INSC: variants seen among roughly 807,000 people sequenced by gnomAD.
INSC encodes protein inscuteable homolog.
In INSC, 67 loss-of-function variants were observed where a neutral mutation model predicts 58.6. The observed-to-expected ratio is 1.14, with a 90% confidence interval of 0.94 to 1.40. The LOEUF (loss-of-function observed/expected upper bound fraction) is 1.40, where lower values mean the gene tolerates loss of function less well. Among genes scored for constraint, INSC ranks in the 40% most tolerant of loss-of-function variants. The pLI, the probability that INSC is intolerant of heterozygous loss-of-function variation, is 0.00. For missense variants in INSC, 714 were observed against 692.0 expected, an observed-to-expected ratio of 1.03 and a Z score of -0.36; for synonymous variants, 262 against 276.1, an observed-to-expected ratio of 0.95 and a Z score of 0.51.
chr11:15,221,930 C>A (rs1851458178), intron 8 of INSC, among the ~76,000 whole-genome samples: 1 of 152,106 alleles, frequency 6.6e-6, no homozygotes, highest in Admixed American at 6.6e-5. Context: ...GAGTCCAGGA[C>A]AAGCCCCAGA....
rs1488026050 is a variant in INSC at position 15,182,465 on chromosome 11, T to C, written c.579+4018T>C. On this transcript the variant is annotated intron_variant, in intron 5 of 12. Coordinates refer to ENST00000379556, the MANE Select transcript of INSC (RefSeq NM_001042536.3). ...TAATTGTGGTACTATGTTTACCATATATGGGGAAAAAAATGCCTCCTTTCT... is the reference window on the plus strand; with the variant it reads ...TAATTGTGGTACTATGTTTACCATACATGGGGAAAAAAATGCCTCCTTTCT... Among the ~76,000 whole-genome samples the C allele has an allele frequency of 2.0e-5, 3 of 152,188 alleles. No homozygotes were observed. In the East Asian group the frequency reaches 5.8e-4, roughly 29 times the overall value.
chr11:15,225,103 T>A (rs1028721321), intron 8 of INSC, among the ~76,000 whole-genome samples: 2 of 152,174 alleles, frequency 1.3e-5, no homozygotes, highest in Admixed American at 6.5e-5. Flanking sequence ...TTTCCTTTGG[T>A]CTAGAATATT....
At chr11:15,269,603 G>T in the INSC span, among the ~76,000 whole-genome samples, 1 of 151,858 alleles carries the variant, frequency 6.6e-6, no homozygotes, top group Non-Finnish European at 1.5e-5. Flanking sequence ...GGAGGAACAT[G>T]TGTAAAGAAG....
Position 15,176,031 on chromosome 11 carries a change from C to T in INSC, c.347C>T (p.Ser116Phe). Residue 116 changes from serine (S) to phenylalanine (F), a missense_variant, in exon 3 of 13, where the codon TCC becomes TTC. Coordinates refer to ENST00000379556, the MANE Select transcript of INSC (RefSeq NM_001042536.3). ...MSVRLTCHAR[S>F]MVSEYSAVSR... ...GTGCGTCTGACCTGCCATGCCCGCT[C>T]CATGGTCAGCGAGTACAGTGCTGTC... The T allele has an allele frequency of 6.3e-7, 1 of 1,577,384 alleles. No individual in the cohort carries two copies. Among genetic ancestry groups the T allele is most frequent in the South Asian group, 1.1e-5 (1 of 87,220 alleles).
chr11:15,243,316 G>A (rs1267357753), intron 12 of INSC, among the ~76,000 whole-genome samples: 1 of 152,202 alleles, frequency 6.6e-6, no homozygotes, highest in Non-Finnish European at 1.5e-5. Context: ...CCTTCAGGTA[G>A]AGGGAGGAAG....
intron 7 of INSC, among the ~76,000 whole-genome samples, chr11:15,202,647 C>T (rs191528767): frequency 9.2e-5 from 14 of 152,310 alleles, no homozygotes; most frequent in Admixed American, 9.1e-4. Context: ...CTCACCTTTC[C>T]TGTCTGGTTG....
chr11:15,253,880 G>C, the INSC span, among the ~76,000 whole-genome samples: 103 of 152,202 alleles, frequency 6.8e-4, 1 homozygote, highest in African/African-American at 2.4e-3. Context: ...TGTAGACTGG[G>C]AACTTGGCCA....
intron 7 of INSC, among the ~76,000 whole-genome samples, chr11:15,209,793 A>G (rs908117520): frequency 3.3e-5 from 5 of 151,814 alleles, no homozygotes; most frequent in Admixed American, 2.6e-4. Flanking sequence ...CCCGAGATCA[A>G]CCACAGGGCT....
chr11:15,184,083 G>T (rs2679638), intron 5 of INSC, among the ~76,000 whole-genome samples: 111,181 of 151,988 alleles, frequency 0.73, 41,428 homozygotes, highest in East Asian at 0.99. Flanking sequence ...CTTATTTAAT[G>T]ATTCCCTAAA....
intron 5 of INSC, among the ~76,000 whole-genome samples, chr11:15,186,343 C>T (rs1231311217): frequency 2.0e-5 from 3 of 151,882 alleles, no homozygotes; most frequent in African/African-American, 4.8e-5. Context: ...GAATTTCTAA[C>T]GATTTACTCT....
chr11:15,261,847 A>C, the INSC span, among the ~76,000 whole-genome samples: 1 of 152,178 alleles, frequency 6.6e-6, no homozygotes, highest in Non-Finnish European at 1.5e-5. Flanking sequence ...GATCTAATCC[A>C]CTTGTATACT....
Position 15,246,694 on chromosome 11 carries a change from T to C in INSC, c.*654T>C, listed in dbSNP as rs1055138156. ...ACTTAGTGAGAAACCAAAGTGACTT[T>C]CAAAAATACACCCAAAGGCACCAGA... On this transcript the variant is annotated 3_prime_UTR_variant, in exon 13 of 13. Transcript: ENST00000379556. 60 of 152,360 alleles carry C rather than the reference T, an allele frequency of 3.9e-4. No homozygotes were observed. Among genetic ancestry groups the C allele is most frequent in the African/African-American group, 1.2e-3 (48 of 41,430 alleles). The allele number at this position is 152,360 out of a possible 1,614,324, so 9.4% of individuals were successfully genotyped here. A position where few individuals can be genotyped will look rare whatever the true frequency, so the allele number is the denominator to read the frequency against.
At chr11:15,220,287 C>T (rs1851387879) in intron 7 of INSC, among the ~76,000 whole-genome samples, 1 of 152,174 alleles carries the variant, frequency 6.6e-6, no homozygotes, top group Non-Finnish European at 1.5e-5. Context: ...TGTTCTTCCC[C>T]TGCCTCATCC....
the INSC span, among the ~76,000 whole-genome samples, chr11:15,266,462 T>C: frequency 1.3e-5 from 2 of 152,024 alleles, no homozygotes; most frequent in Non-Finnish European, 2.9e-5. Flanking sequence ...TTACAGAGAA[T>C]AGACTAGTAA....
rs781761702 is a variant in INSC, at chr11:15,221,620, C to T, written c.963C>T (p.Ser321=). ...AGCACCTCAGTAGCTTCCTGGAGAGCATGGAGGAGATCGTGACAGCCCTCG... is the reference window on the plus strand; with the variant it reads ...AGCACCTCAGTAGCTTCCTGGAGAGTATGGAGGAGATCGTGACAGCCCTCG... ...VTQHLSSFLE[S]MEEIVTALVK... Residue 321 remains serine, a synonymous_variant, in exon 8 of 13, where the codon AGC becomes AGT. Coordinates refer to ENST00000379556, the MANE Select transcript of INSC (RefSeq NM_001042536.3). The T allele has an allele frequency of 2.5e-6, 4 of 1,613,314 alleles. No individual in the cohort carries two copies. Among genetic ancestry groups the T allele is most frequent in the East Asian group, 4.5e-5 (2 of 44,840 alleles).
the INSC span, among the ~76,000 whole-genome samples, chr11:15,253,528 A>C: frequency 6.6e-6 from 1 of 152,122 alleles, no homozygotes; most frequent in Non-Finnish European, 1.5e-5. Flanking sequence ...GTGTGGAAAG[A>C]TGGTGTTACA....
chr11:15,226,991 G>T (rs1851665376), intron 9 of INSC, among the ~76,000 whole-genome samples: 2 of 152,152 alleles, frequency 1.3e-5, no homozygotes, highest in Admixed American at 6.5e-5. Flanking sequence ...GACCGTAGAA[G>T]CTCCTATTCG....
At chr11:15,210,546 T>TGTGTGTGTGG (rs746992240) in intron 7 of INSC, among the ~76,000 whole-genome samples, 1 of 145,420 alleles carries the variant, frequency 6.9e-6, no homozygotes, top group African/African-American at 2.5e-5. Flanking sequence ...TGTGTGTGTG[T>TGTGTGTGTGG]GGTGGAGTGG....
chr11:15,239,027 G>A lies in INSC; in HGVS notation c.1346G>A (p.Arg449His), dbSNP rs771388775. 18 of 1,614,010 alleles carry A rather than the reference G, an allele frequency of 1.1e-5. No homozygotes were observed. The highest frequency in any genetic ancestry group is 6.7e-5 in the Admixed American group (4 of 60,006). The change falls in exon 11 of 13, where the codon CGT becomes CAT. Residue 449 changes from arginine (R) to histidine (H), a missense_variant. Physicochemically the swap from Arg to His is conservative, Grantham distance 29. Coordinates refer to ENST00000379556, the MANE Select transcript of INSC (RefSeq NM_001042536.3). ...CAGAAAGCTGCAGTGACCCTGGCTC[G>A]TCTCAGCCGAGACCCAGATGTGGCA... The part of the protein sequence containing the change: ...VQQKAAVTLA[R>H]LSRDPDVARE...
Sources: gnomAD v4.1 joint callset for allele counts (sites outside exome capture counted in the v4.1 genomes callset) on GRCh38, gnomAD v4.1.1 for gene constraint, MANE v1.5 for transcripts, NCBI Gene and HGNC (gene_info 2026-07-23, HGNC 2026-07-21) for gene names.